LIN7A: variants seen among roughly 807,000 people sequenced by gnomAD.
LIN7A encodes protein lin-7 homolog A.
Under a neutral mutation model 29.8 loss-of-function variants are expected in LIN7A, and 25 were observed. The observed-to-expected ratio is 0.84, with a 90% CI of 0.61 to 1.17. LIN7A has a LOEUF of 1.17. Ranked by LOEUF, LIN7A falls within the 50% of genes most tolerant of loss-of-function variation. The pLI is 0.00. For synonymous variants in LIN7A, 118 were observed against 107.5 expected (o/e 1.10, Z -0.60); for missense variants, 239 against 287.0 (o/e 0.83, Z 1.21).
chr12:80,930,820 CTTTTGTTTTG>C (rs760157177), intron 1 of LIN7A, among the ~76,000 whole-genome samples: 1 of 152,108 alleles, frequency 6.6e-6, no homozygotes, highest in Non-Finnish European at 1.5e-5. Flanking sequence ...GGTTAGAAGG[CTTTTGTTTTG>C]TTTTGTTTTG....
At chr12:80,831,162 T>C (rs902150509) in intron 4 of LIN7A, among the ~76,000 whole-genome samples, 4 of 152,210 alleles carry the variant, frequency 2.6e-5, no homozygotes, top group Non-Finnish European at 5.9e-5. Flanking sequence ...ATTGAGTGAC[T>C]GAGTGAATGA....
intron 1 of LIN7A, among the ~76,000 whole-genome samples, chr12:80,893,783 G>A (rs1402574596): frequency 6.6e-6 from 1 of 152,174 alleles, no homozygotes; most frequent in Admixed American, 6.5e-5. Flanking sequence ...AGCAGAGGGA[G>A]ACAGCTAAAA....
At chr12:80,885,754 C>A (rs1592924577) in intron 2 of LIN7A, among the ~76,000 whole-genome samples, 1 of 152,162 alleles carries the variant, frequency 6.6e-6, no homozygotes, top group South Asian at 2.1e-4. Flanking sequence ...AGCTTCAAAT[C>A]TCTTTTAAGG....
chr12:80,828,419 G>C (rs765423840), intron 4 of LIN7A, among the ~76,000 whole-genome samples: 5 of 152,032 alleles, frequency 3.3e-5, no homozygotes, highest in Non-Finnish European at 7.4e-5. Context: ...TACAGATGAG[G>C]CAAAATCTCC....
intron 2 of LIN7A, among the ~76,000 whole-genome samples, chr12:80,859,378 T>C (rs997807776): frequency 1.3e-5 from 2 of 152,194 alleles, no homozygotes; most frequent in Non-Finnish European, 2.9e-5. Flanking sequence ...GTTTGAGTCA[T>C]TTTGTGATCT....
intron 1 of LIN7A, 66 bp from the exon 2 acceptor site, chr12:80,889,435 A>G (rs1875512496): frequency 4.1e-6 from 4 of 970,476 alleles, no homozygotes; most frequent in Non-Finnish European, 6.5e-6. Context: ...TGAAAGTACT[A>G]TTATTCCAGT....
At chr12:80,915,865 T>C (rs1472463036) in intron 1 of LIN7A, among the ~76,000 whole-genome samples, 1 of 152,044 alleles carries the variant, frequency 6.6e-6, no homozygotes, top group African/African-American at 2.4e-5. Flanking sequence ...CAACAGACAA[T>C]GAAGAATACA....
At chr12:80,810,309 T>C (rs565485330) in intron 5 of LIN7A, among the ~76,000 whole-genome samples, 4 of 152,244 alleles carry the variant, frequency 2.6e-5, no homozygotes, top group Admixed American at 2.0e-4. Context: ...TTATTTCACT[T>C]AGCATGATGT....
In LIN7A at chr12:80,932,879, G is replaced by T. The variant is rs115881809; in HGVS notation, c.82+4762C>A. Reference sequence around the variant, plus strand: ...ATTCTTCTTTGTTCCCTTGAGTTTAGCTGAAGGTCATTCCTGGTTTTAAAG... The same window carrying T: ...ATTCTTCTTTGTTCCCTTGAGTTTATCTGAAGGTCATTCCTGGTTTTAAAG... On this transcript the variant is annotated intron_variant, in intron 1 of 5. Transcript: ENST00000552864. Among the ~76,000 whole-genome samples the T allele has an allele frequency of 2.1e-3, 320 of 152,278 alleles. 1 individual carries two copies. The highest frequency in any genetic ancestry group is 7.1e-3 in the African/African-American group (295 of 41,556).
At chr12:80,846,332 C>A (rs900994200) in intron 3 of LIN7A, among the ~76,000 whole-genome samples, 1 of 152,102 alleles carries the variant, frequency 6.6e-6, no homozygotes, top group South Asian at 2.1e-4. Context: ...GCAGAGATGG[C>A]GTCTTGCACT....
intron 1 of LIN7A, among the ~76,000 whole-genome samples, chr12:80,900,565 G>A (rs1229213721): frequency 1.3e-5 from 2 of 152,016 alleles, no homozygotes; most frequent in East Asian, 3.9e-4. Flanking sequence ...GTAATTGTAT[G>A]GTTTTGAACA....
At chr12:80,799,983 G>C (rs187466466) in intron 5 of LIN7A, among the ~76,000 whole-genome samples, 399 of 151,492 alleles carry the variant, frequency 2.6e-3, no homozygotes, top group Middle Eastern at 0.021. Context: ...CCTTCATCTC[G>C]AAAAAAATAA....
chr12:80,828,756 CAT>C (rs1030436148), intron 4 of LIN7A, among the ~76,000 whole-genome samples: 30 of 151,676 alleles, frequency 2.0e-4, no homozygotes, highest in African/African-American at 7.3e-4. Context: ...TGCATTGTCT[CAT>C]ATGTTTGTAT....
intron 4 of LIN7A, among the ~76,000 whole-genome samples, chr12:80,834,669 C>A (rs1872530479): frequency 6.6e-6 from 1 of 152,200 alleles, no homozygotes; most frequent in South Asian, 2.1e-4. Flanking sequence ...CAGCAACCAA[C>A]ATTTGAGTTA....
At chr12:80,835,426 T>G (rs1200184639) in intron 4 of LIN7A, among the ~76,000 whole-genome samples, 1 of 152,160 alleles carries the variant, frequency 6.6e-6, no homozygotes, top group Non-Finnish European at 1.5e-5. Flanking sequence ...TTGCCCATAA[T>G]CAACCCACCA....
At chr12:80,896,299 A>T (rs534807607) in intron 1 of LIN7A, among the ~76,000 whole-genome samples, 2 of 152,234 alleles carry the variant, frequency 1.3e-5, no homozygotes, top group Non-Finnish European at 2.9e-5. Context: ...AATCAAGGCG[A>T]CAAGCGATAG....
rs143415146 is a variant in LIN7A at position 80,837,430 on chromosome 12, GAGA to G, written c.483+8297_483+8299del. ...AGAGGGAGGTGGGAGATTTGGCGCA[GAGA>G]AGAAGGTAATAACGTTACCATGGAG... On this transcript the variant is annotated intron_variant, in intron 4 of 5. Transcript: ENST00000552864. Among the ~76,000 whole-genome samples, 396 of 152,208 alleles carry G rather than the reference GAGA, an allele frequency of 2.6e-3. 2 individuals carry two copies. The highest frequency in any genetic ancestry group is 9.2e-3 in the African/African-American group (383 of 41,512).
chr12:80,879,170 A>G (rs1039781930), intron 2 of LIN7A, among the ~76,000 whole-genome samples: 6 of 152,022 alleles, frequency 3.9e-5, no homozygotes, highest in African/African-American at 1.2e-4. Context: ...CTATAGATTC[A>G]CAGAACCGGA....
rs1341981264 is a variant in LIN7A, at chr12:80,793,709, G to T, written c.*4018C>A. ...GTATTCCAGGAATCAAATATGAAAG[G>T]ATAAATGATCTTTTGAAAATAGGAA... On this transcript the variant is annotated 3_prime_UTR_variant, in exon 6 of 6. Transcript: ENST00000552864. 1 of 152,144 alleles carries T rather than the reference G, an allele frequency of 6.6e-6. No homozygotes were observed. Among genetic ancestry groups the T allele is most frequent in the African/African-American group, 2.4e-5 (1 of 41,438 alleles). The allele number at this position is 152,144 out of a possible 1,614,324, so 9.4% of individuals were successfully genotyped here. A position where few individuals can be genotyped will look rare whatever the true frequency, so the allele number is the denominator to read the frequency against.
Sources: gnomAD v4.1 joint callset for allele counts (sites outside exome capture counted in the v4.1 genomes callset) on GRCh38, gnomAD v4.1.1 for gene constraint, MANE v1.5 for transcripts, NCBI Gene and HGNC (gene_info 2026-07-23, HGNC 2026-07-21) for gene names.